Variants in FBN1 observed in about 807,000 individuals in gnomAD.
The protein encoded by FBN1 is fibrillin-1.
FBN1 carries 29 observed loss-of-function variants against 365.1 expected under a neutral mutation model. The ratio of observed to expected loss-of-function variants is 0.08; its 90% CI spans 0.06 to 0.11. FBN1 has a LOEUF of 0.11. Ranked by LOEUF, FBN1 falls within the 10% of genes least tolerant of loss-of-function variation. The probability of loss-of-function intolerance (pLI) is 1.00; values close to 1 mark genes in which losing one functional copy is unlikely to be tolerated. For missense variants in FBN1, 2,476 were observed against 3,703.2 expected (o/e 0.67, Z 8.60); for synonymous variants, 1,210 against 1,270.5 (o/e 0.95, Z 1.01).
In FBN1 at chr15:48,520,719, C is replaced by G; in HGVS notation, c.1087G>C (p.Gly363Arg). The stretch of plus-strand genomic sequence containing the variant: ...GTGACCCCTGGAGACCAGCATCGGC[C>G]GGCATCACAGCAGCACTGCATTTTG... ...ITKMQCCCDA[G>R]RCWSPGVTVA... The change falls in exon 10 of 66, where the codon GGC becomes CGC. Residue 363 changes from glycine (G) to arginine (R), a missense_variant. Transcript: ENST00000316623. 1 of 1,614,126 alleles carries G rather than the reference C, an allele frequency of 6.2e-7. No individual in the cohort carries two copies. Among genetic ancestry groups the G allele is most frequent in the Non-Finnish European group, 8.5e-7 (1 of 1,180,028 alleles).
At chr15:48,570,805 G>C (rs1218457311) in intron 6 of FBN1, among the ~76,000 whole-genome samples, 1 of 152,186 alleles carries the variant, frequency 6.6e-6, no homozygotes, top group African/African-American at 2.4e-5. Flanking sequence ...GAGCTGGTGT[G>C]AATGTGCTGA....
chr15:48,470,509 T>C (rs1433590177), intron 36 of FBN1, 125 bp downstream of exon 36: 1 of 1,311,794 alleles, frequency 7.6e-7, no homozygotes, highest in East Asian at 2.3e-5. Context: ...TATCTGTGAT[T>C]CTTAATACTT....
intron 50 of FBN1, among the ~76,000 whole-genome samples, chr15:48,438,586 T>C (rs957201649): frequency 1.3e-5 from 2 of 151,830 alleles, no homozygotes; most frequent in Non-Finnish European, 2.9e-5. Flanking sequence ...GCTGTGTCAA[T>C]GTTAAATTTT....
chr15:48,645,209 A>C (rs549533729), intron 1 of FBN1, among the ~76,000 whole-genome samples: 2 of 152,158 alleles, frequency 1.3e-5, no homozygotes, highest in South Asian at 2.1e-4. Context: ...CAGCGGTCCT[A>C]AGCCCCGGGC....
At chr15:48,430,883 GT>G in intron 55 of FBN1, 81 bp from the exon 56 acceptor site, 1 of 1,400,002 alleles carries the variant, frequency 7.1e-7, no homozygotes, top group Non-Finnish European at 1.0e-6. Flanking sequence ...AACATAAAAT[GT>G]TAGTAAGTAA....
chr15:48,500,721 T>G (rs1252634778), intron 17 of FBN1, among the ~76,000 whole-genome samples: 2 of 152,080 alleles, frequency 1.3e-5, no homozygotes, highest in Non-Finnish European at 2.9e-5. Flanking sequence ...ACTGACCAAT[T>G]ACACTCCCGT....
At chr15:48,436,697 C>A (rs2043074442) in intron 53 of FBN1, among the ~76,000 whole-genome samples, 1 of 152,078 alleles carries the variant, frequency 6.6e-6, no homozygotes, top group African/African-American at 2.4e-5. Flanking sequence ...CTGATATGTC[C>A]AGTGTCTGCC....
At chr15:48,631,047 G>C (rs146814191) in intron 2 of FBN1, among the ~76,000 whole-genome samples, 19 of 152,214 alleles carry the variant, frequency 1.2e-4, no homozygotes, top group African/African-American at 3.9e-4. Context: ...GCAGCGTATA[G>C]GAACTCTACG....
intron 2 of FBN1, among the ~76,000 whole-genome samples, chr15:48,623,960 A>C (rs542214308): frequency 3.8e-4 from 37 of 98,476 alleles, no homozygotes; most frequent in African/African-American, 1.2e-3. Flanking sequence ...CACACACACA[A>C]AGACACAAAC....
At chr15:48,625,512 C>G (rs1206735686) in intron 2 of FBN1, among the ~76,000 whole-genome samples, 1 of 152,152 alleles carries the variant, frequency 6.6e-6, no homozygotes, top group Non-Finnish European at 1.5e-5. Flanking sequence ...TGACACCCTT[C>G]TGGACCCCCT....
At chr15:48,466,277 C>T (rs1430270466) in intron 38 of FBN1, among the ~76,000 whole-genome samples, 2 of 152,186 alleles carry the variant, frequency 1.3e-5, no homozygotes, top group Non-Finnish European at 2.9e-5. Context: ...TTTCCAAAAC[C>T]CTTTCCAAAT....
At chr15:48,440,035 C>T (rs1165642506) in intron 50 of FBN1, among the ~76,000 whole-genome samples, 1 of 152,224 alleles carries the variant, frequency 6.6e-6, no homozygotes, top group Non-Finnish European at 1.5e-5. Flanking sequence ...CTGGCTCCAG[C>T]AAAATCTGTG....
intron 49 of FBN1, among the ~76,000 whole-genome samples, chr15:48,442,056 G>A (rs2043119510): frequency 6.6e-6 from 1 of 152,198 alleles, no homozygotes; most frequent in African/African-American, 2.4e-5. Context: ...ATATAAAAAT[G>A]GAATGTGCAA....
chr15:48,552,082 C>G (rs1014373751), intron 6 of FBN1, among the ~76,000 whole-genome samples: 1 of 152,164 alleles, frequency 6.6e-6, no homozygotes, highest in African/African-American at 2.4e-5. Flanking sequence ...AATCACCACA[C>G]TGTCTTCCAC....
At chr15:48,567,486 T>C (rs1486734237) in intron 6 of FBN1, among the ~76,000 whole-genome samples, 1 of 152,070 alleles carries the variant, frequency 6.6e-6, no homozygotes, top group Non-Finnish European at 1.5e-5. Context: ...ATTACCCTGA[T>C]ACCAAAGCCA....
intron 5 of FBN1, 77 bp downstream of exon 5, chr15:48,600,062 A>G: frequency 9.4e-7 from 1 of 1,066,914 alleles, no homozygotes. Flanking sequence ...AAGAAAATCC[A>G]TCAGCACTTA....
At chr15:48,580,041 G>C (rs900312661) in intron 6 of FBN1, among the ~76,000 whole-genome samples, 1 of 152,066 alleles carries the variant, frequency 6.6e-6, no homozygotes, top group Non-Finnish European at 1.5e-5. Context: ...AGTTACTGAA[G>C]TTAAAAAAAG....
At chr15:48,470,038 G>A (rs1030919076) in intron 36 of FBN1, among the ~76,000 whole-genome samples, 4 of 152,054 alleles carry the variant, frequency 2.6e-5, no homozygotes, top group African/African-American at 9.7e-5. Flanking sequence ...ATTAGGAAGG[G>A]GAAATGCAAA....
intron 6 of FBN1, among the ~76,000 whole-genome samples, chr15:48,563,363 A>C (rs1338086386): frequency 6.6e-6 from 1 of 152,116 alleles, no homozygotes; most frequent in Non-Finnish European, 1.5e-5. Flanking sequence ...AAATAAATTA[A>C]TTAATGAGTA....
Sources: allele counts gnomAD v4.1 joint callset (sites outside exome capture counted in the v4.1 genomes callset), GRCh38; gene constraint gnomAD v4.1.1; transcripts MANE v1.5; gene names NCBI Gene and HGNC (gene_info 2026-07-23, HGNC 2026-07-21).